The following PRKCZ variants were observed in gnomAD, a reference collection of about 807,000 sequenced individuals.
PRKCZ encodes the protein protein kinase C zeta type.
Under a neutral mutation model 79.5 loss-of-function variants are expected in PRKCZ, and 33 were observed. That is an observed-to-expected ratio of 0.41 (90% CI 0.31 to 0.55). The LOEUF (loss-of-function observed/expected upper bound fraction) is 0.55, where lower values mean the gene tolerates loss of function less well. Ranked by LOEUF, PRKCZ falls within the 20% of genes least tolerant of loss-of-function variation. The probability of loss-of-function intolerance (pLI) is 0.19; values close to 1 mark genes in which losing one functional copy is unlikely to be tolerated. For missense variants in PRKCZ, 578 were observed against 813.5 expected (o/e 0.71, Z 3.52); for synonymous variants, 342 against 320.9 (o/e 1.07, Z -0.70).
chr1:2,071,747 C>T (rs1425107386), intron 4 of PRKCZ, among the ~76,000 whole-genome samples: 1 of 152,168 alleles, frequency 6.6e-6, no homozygotes, highest in Non-Finnish European at 1.5e-5. Context: ...TTACACTGGA[C>T]CAGGATAAAT....
chr1:2,140,270 C>T (rs1677048146), intron 5 of PRKCZ, among the ~76,000 whole-genome samples: 1 of 152,174 alleles, frequency 6.6e-6, no homozygotes, highest in Non-Finnish European at 1.5e-5. Context: ...TATCCTGAGT[C>T]CAAGCTGGTA....
Position 2,184,688 on chromosome 1 carries a change from C to T in PRKCZ, c.1681C>T (p.Pro561Ser). 1 of 1,613,312 alleles carries T rather than the reference C, an allele frequency of 6.2e-7. No individual in the cohort carries two copies. The highest frequency in any genetic ancestry group is 8.5e-7 in the Non-Finnish European group (1 of 1,179,654). Reference protein sequence around the residue: ...QFTSEPVQLTPDDEDAIKRID... With the variant: ...QFTSEPVQLTSDDEDAIKRID... ...CACCAGCGAGCCCGTGCAGCTGACC[C>T]CAGACGATGAGTGAGTCCCACTGGG... Residue 561 changes from proline (P) to serine (S), a missense_variant, in exon 17 of 18, where the codon CCA becomes TCA. Physicochemically the swap from Pro to Ser is moderately conservative, Grantham distance 74. Around this residue, in one of 4 missense-constraint regions of PRKCZ, gnomAD observed 243 missense variants for 467.0 expected, o/e 0.52. Transcript: ENST00000378567.
At chr1:2,139,449 G>A (rs1360611427) in intron 5 of PRKCZ, among the ~76,000 whole-genome samples, 1 of 152,102 alleles carries the variant, frequency 6.6e-6, no homozygotes, top group Non-Finnish European at 1.5e-5. Context: ...AAGTAGCCAG[G>A]CGTGGTGGTG....
intron 4 of PRKCZ, chr1:2,074,082 C>A: frequency 6.7e-7 from 1 of 1,490,052 alleles, no homozygotes; most frequent in Non-Finnish European, 8.9e-7. Context: ...CACAGATGCT[C>A]CGGGCAGCAA....
Position 2,174,896 on chromosome 1 carries a change from C to T in PRKCZ, c.1485+63C>T. 3.3e-6 allele frequency: 5 copies of T among 1,534,176 alleles called. No individual in the cohort carries two copies. The highest frequency in any genetic ancestry group is 4.5e-6 in the Non-Finnish European group (5 of 1,109,640). ...GCCTCGGTGTTGGTGGGCAGAGGGC[C>T]AGGCACGGCTGTTGGCCATTTTTTC... On this transcript the variant is annotated intron_variant, in intron 15 of 17. Transcript: ENST00000378567. This position sits in a 1 kb window ranked among gnomAD's most constrained non-coding sequence, Gnocchi z 6.2.
intron 11 of PRKCZ, 45 bp downstream of exon 11, chr1:2,169,649 G>T (rs1337337798): frequency 2.1e-6 from 3 of 1,405,338 alleles, no homozygotes; most frequent in African/African-American, 1.5e-5. Context: ...CCGGAGTTGG[G>T]GATGGGTGGG....
chr1:2,064,736 GC>G (rs1316195697), intron 4 of PRKCZ, among the ~76,000 whole-genome samples: 1 of 152,208 alleles, frequency 6.6e-6, no homozygotes, highest in Admixed American at 6.5e-5. Context: ...TTGAGCCAGT[GC>G]CACACTGTTT....
In PRKCZ at chr1:2,185,071, C is replaced by T. The variant is rs11553733; in HGVS notation, c.*62C>T. 3,642 of 1,456,008 alleles carry T rather than the reference C, an allele frequency of 2.5e-3. 7 individuals are homozygous for T. Among genetic ancestry groups the T allele is most frequent in the Non-Finnish European group, 3.2e-3 (3,332 of 1,056,782 alleles). 90.2% of individuals were successfully genotyped at this position (1,456,008 alleles called of 1,614,324 possible). The stretch of plus-strand genomic sequence containing the variant: ...ACCCTTTAACTGTATCCTTAACCAC[C>T]GCATATGCATGCCAGGCTGGGCACG... On this transcript the variant is annotated 3_prime_UTR_variant, in exon 18 of 18. Transcript: ENST00000378567.
In PRKCZ at chr1:2,185,013, C is replaced by A; in HGVS notation, c.*4C>A. ...GTCCACCGAGGAGTCGGTGTGAGGC[C>A]GCGTGCGTCTCTGTCGTGGACACGC... On this transcript the variant is annotated 3_prime_UTR_variant, in exon 18 of 18. Coordinates refer to ENST00000378567, the MANE Select transcript of PRKCZ (RefSeq NM_002744.6). The A allele has an allele frequency of 6.2e-7, 1 of 1,609,880 alleles. No individual in the cohort carries two copies.
At chr1:2,079,886 C>G (rs1014266795) in intron 4 of PRKCZ, among the ~76,000 whole-genome samples, 1 of 152,186 alleles carries the variant, frequency 6.6e-6, no homozygotes, top group Admixed American at 6.5e-5. Flanking sequence ...GAGTGTCCTG[C>G]CTGGGAGGGC....
intron 4 of PRKCZ, among the ~76,000 whole-genome samples, chr1:2,061,120 G>T (rs1660634845): frequency 6.6e-6 from 1 of 152,240 alleles, no homozygotes; most frequent in Admixed American, 6.5e-5. Context: ...TGCCACCTGG[G>T]TGATTTTTTG....
At chr1:2,061,315 C>T (rs1052311950) in intron 4 of PRKCZ, among the ~76,000 whole-genome samples, 6 of 152,020 alleles carry the variant, frequency 3.9e-5, no homozygotes, top group East Asian at 1.9e-4. Flanking sequence ...TCTACGACCT[C>T]GGCATTGCCT....
intron 4 of PRKCZ, among the ~76,000 whole-genome samples, chr1:2,096,079 G>A (rs1410409537): frequency 6.6e-6 from 1 of 151,502 alleles, no homozygotes; most frequent in East Asian, 2.0e-4. Context: ...GCAGGAGCAG[G>A]CATAGTCCCA....
In PRKCZ at chr1:2,053,181, T is replaced by C. The variant is rs952163170; in HGVS notation, c.72-2260T>C. Among the ~76,000 whole-genome samples, 9 of 151,786 alleles carry C rather than the reference T, an allele frequency of 5.9e-5. No homozygotes were observed. In the East Asian group the frequency reaches 1.6e-3, roughly 26 times the overall value. On this transcript the variant is annotated intron_variant, in intron 1 of 17. Coordinates refer to ENST00000378567, the MANE Select transcript of PRKCZ (RefSeq NM_002744.6). The stretch of plus-strand genomic sequence containing the variant: ...AGTGGTGTGGTCTCGGCCCACTGTA[T>C]CCTTCACCTCCGAGGTTCAAGCAAT...
At chr1:2,169,633 G>C (rs1274249891) in intron 11 of PRKCZ, 29 bp downstream of exon 11, 3 of 1,445,298 alleles carry the variant, frequency 2.1e-6, no homozygotes, top group Non-Finnish European at 2.8e-6. Flanking sequence ...GGCCGGGTGG[G>C]TGCGCCCGGA....
In PRKCZ at chr1:2,149,271, C is replaced by T. The variant is rs964454282; in HGVS notation, c.687+347C>T. On this transcript the variant is annotated intron_variant, in intron 8 of 17. Transcript: ENST00000378567. This position sits in a 1 kb window ranked among gnomAD's most constrained non-coding sequence, Gnocchi z 4.1. ...CAAGTTGTGTCTGCACCATGCCTTC[C>T]GAATTGTGTTGCCTCATTTGGCCAT... 6.6e-6 allele frequency among the ~76,000 whole-genome samples: 1 copy of T among 152,190 alleles called. No homozygotes were observed. Among genetic ancestry groups the T allele is most frequent in the Non-Finnish European group, 1.5e-5 (1 of 68,038 alleles).
At position 2,059,563 on chromosome 1, in the gene PRKCZ, G is replaced by T. The variant is rs1281606956; in HGVS notation, c.306G>T (p.Gln102His). The T allele has an allele frequency of 5.6e-6, 9 of 1,614,244 alleles. No individual in the cohort carries two copies. The highest frequency in any genetic ancestry group is 6.8e-6 in the Non-Finnish European group (8 of 1,180,044). Residue 102 changes from glutamine to histidine, a missense_variant, in exon 4 of 18, where the codon CAG becomes CAT. Physicochemically the swap from Gln to His is conservative, Grantham distance 24 (BLOSUM62 0). This residue lies in a region of PRKCZ where 228 missense variants were observed against 211.6 expected (regional missense o/e 1.08). Transcript: ENST00000378567. ...IIHVFPSTPE[Q>H]PGLPCPGEDK... ...CAGTTTTCCCGAGCACCCCTGAGCA[G>T]CCTGGCCTGCCATGTCCGGGAGAAG...
chr1:2,148,408 C>G (rs1679151834), intron 7 of PRKCZ, among the ~76,000 whole-genome samples: 1 of 152,064 alleles, frequency 6.6e-6, no homozygotes, highest in Admixed American at 6.5e-5. Flanking sequence ...ATCCATCCAT[C>G]TATTGTCCAC....
intron 3 of PRKCZ, 28 bp from the exon 4 acceptor site, chr1:2,059,513 A>G: frequency 6.2e-7 from 1 of 1,613,752 alleles, no homozygotes; most frequent in Non-Finnish European, 8.5e-7. Context: ...CAGGGTCTTG[A>G]CGCTGTCTCT....
Sources: gnomAD v4.1 joint callset for allele counts (sites outside exome capture counted in the v4.1 genomes callset) on GRCh38, gnomAD v4.1.1 for gene constraint, gnomAD v4.1.1 regional missense constraint, Gnocchi (gnomAD v3.1) non-coding constraint, MANE v1.5 for transcripts, NCBI Gene and HGNC (gene_info 2026-07-23, HGNC 2026-07-21) for gene names.